Variants in PCDHGA10 observed in about 807,000 individuals in gnomAD.
The protein encoded by PCDHGA10 is protocadherin gamma subfamily A, 10.
A neutral mutation model predicts 59.5 loss-of-function variants in PCDHGA10; 42 were observed. The ratio of observed to expected loss-of-function variants is 0.71; its 90% confidence interval spans 0.55 to 0.91. The LOEUF is 0.91. Among genes scored for constraint, PCDHGA10 ranks in the 40% least tolerant of loss-of-function variants. The pLI, the probability that PCDHGA10 is intolerant of heterozygous loss-of-function variation, is 0.00. For missense variants in PCDHGA10, 1,111 were observed against 1,198.2 expected (o/e 0.93, Z 1.07); for synonymous variants, 511 against 517.2 (o/e 0.99, Z 0.16).
intron 1 of PCDHGA10, among the ~76,000 whole-genome samples, chr5:141,463,944 T>C (rs1454454223): frequency 3.3e-5 from 5 of 152,158 alleles, no homozygotes; most frequent in African/African-American, 4.8e-5. Flanking sequence ...TTTATAGAAA[T>C]CTTCATTTTT....
Position 141,476,441 on chromosome 5 carries a change from GAGTTGGT to G in PCDHGA10, c.2437-18362_2437-18356del. 3 of 1,614,160 alleles carry G rather than the reference GAGTTGGT, an allele frequency of 1.9e-6. No homozygotes were observed. The South Asian group carries it at 3.3e-5, about 18-fold the overall frequency. ...ACTGCCCTCTTGCACTGTAACTCTG[GAGTTGGT>G]AGTGGAGAACCCGCTGGAGCTGTTC... On this transcript the variant is annotated intron_variant, in intron 1 of 3. Transcript: ENST00000398610. The surrounding 1 kb of genome is among the most constrained non-coding windows in gnomAD (Gnocchi z 7.6).
chr5:141,478,454 A>T, intron 1 of PCDHGA10: 1 of 1,613,596 alleles, frequency 6.2e-7, no homozygotes. Flanking sequence ...TGGTGCAGCC[A>T]GTCCACTGGC....
chr5:141,415,915 TGC>T, intron 1 of PCDHGA10: 1 of 724,854 alleles, frequency 1.4e-6, no homozygotes, highest in Non-Finnish European at 1.9e-6. Flanking sequence ...CATACAGAAG[TGC>T]CTGTCAATTT....
chr5:141,485,549 G>T lies in PCDHGA10; in HGVS notation c.2437-9258G>T. 1 of 1,614,030 alleles carries T rather than the reference G, an allele frequency of 6.2e-7. No homozygotes were observed. Among genetic ancestry groups the T allele is most frequent in the Non-Finnish European group, 8.5e-7 (1 of 1,179,922 alleles). On this transcript the variant is annotated intron_variant, in intron 1 of 3. Coordinates refer to ENST00000398610, the MANE Select transcript of PCDHGA10 (RefSeq NM_018913.3). The surrounding 1 kb of genome is among the most constrained non-coding windows in gnomAD (Gnocchi z 5.7). Reference sequence around the variant, plus strand: ...CCGAGCAGAGGTAGAGATCGTAGATGTGAATGATCACGCCCCCCGTTTTCC... The same window carrying T: ...CCGAGCAGAGGTAGAGATCGTAGATTTGAATGATCACGCCCCCCGTTTTCC...
At chr5:141,422,847 C>T (rs1271794821) in intron 1 of PCDHGA10, 2 of 1,614,116 alleles carry the variant, frequency 1.2e-6, no homozygotes, top group Non-Finnish European at 1.7e-6. Context: ...ACAGCGGGGA[C>T]CCGCCCCTCA....
intron 2 of PCDHGA10, among the ~76,000 whole-genome samples, chr5:141,495,296 T>TCCTCCAGAG (rs998633800): frequency 1.3e-5 from 2 of 152,054 alleles, no homozygotes; most frequent in Non-Finnish European, 2.9e-5. Flanking sequence ...ACTCAGCGCC[T>TCCTCCAGAG]CCTCCAGAGC....
intron 1 of PCDHGA10, among the ~76,000 whole-genome samples, chr5:141,460,304 A>T (rs769422296): frequency 2.6e-5 from 4 of 152,144 alleles, no homozygotes; most frequent in Admixed American, 6.5e-5. Flanking sequence ...TCCTATTCAA[A>T]AACTCCTTGC....
In PCDHGA10 at chr5:141,413,929, CGAGTGAGTGTTCCT is replaced by C; in HGVS notation, c.758_771del (p.Val253GlufsTer33). On this transcript the variant is annotated frameshift_variant, in exon 1 of 4. Coordinates refer to ENST00000398610, the MANE Select transcript of PCDHGA10 (RefSeq NM_018913.3). LOFTEE classifies it high-confidence loss of function. ...GCCGGTCTTCACCTTGCCAGAATACCGAGTGAGTGTTCCTGAGAATTTGCCTGTGGGCACTCAGC... is the reference window on the plus strand; with the variant it reads ...GCCGGTCTTCACCTTGCCAGAATACCGAGAATTTGCCTGTGGGCACTCAGC... 1 of 1,613,342 alleles carries C rather than the reference CGAGTGAGTGTTCCT, an allele frequency of 6.2e-7. No individual in the cohort carries two copies. Among genetic ancestry groups the C allele is most frequent in the Non-Finnish European group, 8.5e-7 (1 of 1,179,870 alleles).
In PCDHGA10 at chr5:141,415,176, C is replaced by A; in HGVS notation, c.2001C>A (p.Ala667=). 1.2e-6 allele frequency: 2 copies of A among 1,613,934 alleles called. No individual in the cohort carries two copies. Among genetic ancestry groups the A allele is most frequent in the Non-Finnish European group, 1.7e-6 (2 of 1,180,028 alleles). The change falls in exon 1 of 4, where the codon GCC becomes GCA. Residue 667 remains alanine (A), a synonymous_variant. Coordinates refer to ENST00000398610, the MANE Select transcript of PCDHGA10 (RefSeq NM_018913.3). ...CCGCCACTGTCACGCTCACCGTGGCCGTGGCCGACAGCATCCCCCAAGTCC... is the reference window on the plus strand; with the variant it reads ...CCGCCACTGTCACGCTCACCGTGGCAGTGGCCGACAGCATCCCCCAAGTCC... ...PLSATVTLTV[A]VADSIPQVLA...
At position 141,476,294 on chromosome 5, in the gene PCDHGA10, A is replaced by T. The variant is rs376905832; in HGVS notation, c.2437-18513A>T. On this transcript the variant is annotated intron_variant, in intron 1 of 3. Coordinates refer to ENST00000398610, the MANE Select transcript of PCDHGA10 (RefSeq NM_018913.3). The surrounding 1 kb of genome is among the most constrained non-coding windows in gnomAD (Gnocchi z 7.6). ...CGCGAACCTTGGTTTGGATCTCGGT[A>T]GCCTCTCAGCCCGCAGGTTCCGGGT... is the stretch of plus-strand genomic sequence containing the variant. 2 of 1,613,036 alleles carry T rather than the reference A, an allele frequency of 1.2e-6. No homozygotes were observed. The highest frequency in any genetic ancestry group is 1.7e-6 in the Non-Finnish European group (2 of 1,179,642).
At chr5:141,448,580 TTACAAAAAGATAAAA>T (rs1484851220) in intron 1 of PCDHGA10, among the ~76,000 whole-genome samples, 1 of 152,180 alleles carries the variant, frequency 6.6e-6, no homozygotes, top group Non-Finnish European at 1.5e-5. Context: ...CCCATTTTTT[TTACAAAAAGATAAAA>T]TACTATACAC....
At chr5:141,462,523 G>GTGTT (rs2099041548) in intron 1 of PCDHGA10, among the ~76,000 whole-genome samples, 1 of 152,024 alleles carries the variant, frequency 6.6e-6, no homozygotes, top group African/African-American at 2.4e-5. Context: ...GTTAGTAAGA[G>GTGTT]TGTTGTTCAG....
chr5:141,503,367 C>T (rs1038565489), intron 2 of PCDHGA10, among the ~76,000 whole-genome samples: 5 of 151,908 alleles, frequency 3.3e-5, no homozygotes, highest in African/African-American at 9.7e-5. Flanking sequence ...GAAGCGGAGG[C>T]AGGTGGATCA....
rs1337141924 is a variant in PCDHGA10, at chr5:141,512,916, CTAATATT to C, written c.*1746_*1752del. On this transcript the variant is annotated 3_prime_UTR_variant, in exon 4 of 4. Coordinates refer to ENST00000398610, the MANE Select transcript of PCDHGA10 (RefSeq NM_018913.3). The stretch of plus-strand genomic sequence containing the variant: ...CTGTGTCTCACGCAAGTTTTATACT[CTAATATT>C]TATATGGCTTTTTTTCTTCGACAAA... The C allele has an allele frequency of 1.3e-5, 2 of 152,206 alleles. No homozygotes were observed. Among genetic ancestry groups the C allele is most frequent in the Non-Finnish European group, 2.9e-5 (2 of 68,046 alleles). The allele number at this position is 152,206 out of a possible 1,614,324, so 9.4% of individuals were successfully genotyped here.
rs200868391 is a variant in PCDHGA10 at position 141,415,586 on chromosome 5, C to T, written c.2411C>T (p.Pro804Leu). 540 of 1,613,746 alleles carry T rather than the reference C, an allele frequency of 3.3e-4. No individual in the cohort carries two copies. Among genetic ancestry groups the T allele is most frequent in the Non-Finnish European group, 4.5e-4 (527 of 1,179,996 alleles). ...PLSLLDDSKF[P>L]IEDTPLVPQA... ...TCTTTGTTAGATGATTCGAAGTTTCCTATAGAGGATACCCCATTGGTTCCA... is the reference window on the plus strand; with the variant it reads ...TCTTTGTTAGATGATTCGAAGTTTCTTATAGAGGATACCCCATTGGTTCCA... Residue 804 changes from proline (P) to leucine (L), a missense_variant, in exon 1 of 4, where the codon CCT becomes CTT. Physicochemically the swap from Pro to Leu is moderately conservative, Grantham distance 98. Coordinates refer to ENST00000398610, the MANE Select transcript of PCDHGA10 (RefSeq NM_018913.3).
intron 1 of PCDHGA10, chr5:141,426,170 T>G (rs2096918811): frequency 6.4e-6 from 1 of 155,200 alleles, no homozygotes. Flanking sequence ...CCATACGGAT[T>G]GGGGTGCCCT....
intron 3 of PCDHGA10, among the ~76,000 whole-genome samples, chr5:141,507,760 T>G (rs2099863136): frequency 6.6e-6 from 1 of 152,202 alleles, no homozygotes; most frequent in Non-Finnish European, 1.5e-5. Context: ...GCCTCCCACC[T>G]TTGGCCCACA....
intron 3 of PCDHGA10, among the ~76,000 whole-genome samples, chr5:141,509,362 G>C (rs2099876497): frequency 6.6e-6 from 1 of 152,152 alleles, no homozygotes; most frequent in Non-Finnish European, 1.5e-5. Flanking sequence ...GCATCCCTGA[G>C]GTTTTAACTG....
At chr5:141,507,833 G>C (rs1184502436) in intron 3 of PCDHGA10, among the ~76,000 whole-genome samples, 2 of 152,172 alleles carry the variant, frequency 1.3e-5, no homozygotes, top group East Asian at 3.9e-4. Flanking sequence ...GGAGGTGGTG[G>C]GTCAGGCCCT....
Sources: allele counts gnomAD v4.1 joint callset (sites outside exome capture counted in the v4.1 genomes callset), GRCh38; gene constraint gnomAD v4.1.1; non-coding constraint Gnocchi (gnomAD v3.1); transcripts MANE v1.5; gene names NCBI Gene and HGNC (gene_info 2026-07-23, HGNC 2026-07-21).